FAM186B: variants seen among roughly 807,000 people sequenced by gnomAD.
The protein encoded by FAM186B is protein FAM186B.
A neutral mutation model predicts 83.4 loss-of-function variants in FAM186B; 68 were observed. The ratio of observed to expected loss-of-function variants is 0.81; its 90% confidence interval spans 0.67 to 1.00. The LOEUF (loss-of-function observed/expected upper bound fraction) is 1.00, where lower values mean the gene tolerates loss of function less well. Among genes scored for constraint, FAM186B ranks in the 50% least tolerant of loss-of-function variants. FAM186B has a pLI of 0.00. For synonymous variants in FAM186B, 389 were observed against 422.0 expected, an observed-to-expected ratio of 0.92 and a Z score of 0.96; for missense variants, 983 against 1,099.2, an observed-to-expected ratio of 0.89 and a Z score of 1.49.
the FAM186B span, among the ~76,000 whole-genome samples, chr12:49,620,705 A>C: frequency 6.6e-6 from 1 of 152,244 alleles, no homozygotes; most frequent in Admixed American, 6.5e-5. Context: ...AATTGTAGAT[A>C]TCTGTATTTG....
At chr12:49,619,466 T>C in the FAM186B span, 20 of 664,508 alleles carry the variant, frequency 3.0e-5, no homozygotes, top group South Asian at 1.9e-4. Context: ...ATATGTATTA[T>C]ACAAACTGAA....
Position 49,587,690 on chromosome 12 carries a change from A to G in FAM186B, c.2597T>C (p.Ile866Thr), listed in dbSNP as rs372411373. The change falls in exon 7 of 7, where the codon ATA becomes ACA. Residue 866 changes from isoleucine to threonine, a missense_variant. Transcript: ENST00000257894. Reference protein sequence around the residue: ...KTEVASSSYAIEKKTPASLPR... With the variant: ...KTEVASSSYATEKKTPASLPR... ...AAGGCTGGCAGGGGTCTTTTTTTCTATTGCGTAACTGGAGGAGGCCACCTC... is the reference window on the plus strand; with the variant it reads ...AAGGCTGGCAGGGGTCTTTTTTTCTGTTGCGTAACTGGAGGAGGCCACCTC... The G allele has an allele frequency of 1.6e-5, 26 of 1,613,622 alleles. No individual in the cohort carries two copies. The highest frequency in any genetic ancestry group is 1.6e-4 in the Middle Eastern group (1 of 6,084).
the FAM186B span, among the ~76,000 whole-genome samples, chr12:49,616,249 C>T: frequency 1.3e-4 from 20 of 152,292 alleles, no homozygotes; most frequent in Admixed American, 6.5e-4. Flanking sequence ...AGGCTGGTCT[C>T]GAACTCCTGA....
the FAM186B span, among the ~76,000 whole-genome samples, chr12:49,620,817 A>T: frequency 6.6e-6 from 1 of 152,212 alleles, no homozygotes; most frequent in South Asian, 2.1e-4. Flanking sequence ...TAAATGGAGA[A>T]AATGTTATTT....
chr12:49,589,710 C>T lies in FAM186B; in HGVS notation c.2365-1087G>A, dbSNP rs368664747. 2.1e-3 allele frequency among the ~76,000 whole-genome samples: 315 copies of T among 151,752 alleles called. 1 individual carries two copies. The highest frequency in any genetic ancestry group is 7.2e-3 in the African/African-American group (299 of 41,384). ...TATAATAAAGAATCAAGGCTGGGCG[C>T]GGTGGCTCATGCCTGTAATCCCAGC... is the stretch of plus-strand genomic sequence containing the variant. On this transcript the variant is annotated intron_variant, in intron 5 of 6. Coordinates refer to ENST00000257894, the MANE Select transcript of FAM186B (RefSeq NM_032130.3).
At chr12:49,583,761 T>C (rs1199840041), downstream of FAM186B, 2 of 153,056 alleles carry the variant, frequency 1.3e-5, no homozygotes, top group Non-Finnish European at 2.9e-5. Flanking sequence ...ATTTCCTATT[T>C]GTATGCCTGT....
chr12:49,589,045 C>CA (rs1225719872), intron 5 of FAM186B, among the ~76,000 whole-genome samples: 1 of 152,164 alleles, frequency 6.6e-6, no homozygotes, highest in East Asian at 1.9e-4. Context: ...CACAGCCACT[C>CA]AAAGAATTGT....
In FAM186B at chr12:49,597,682, AC is replaced by A. The variant is rs1939761278; in HGVS notation, c.2364+1072del. ...TATGTTAATTTGTTTTACTATGGTA[AC>A]CATTTTACTATATATGTATCTTATA... On this transcript the variant is annotated intron_variant, in intron 5 of 6. Coordinates refer to ENST00000257894, the MANE Select transcript of FAM186B (RefSeq NM_032130.3). 5.3e-5 allele frequency among the ~76,000 whole-genome samples: 8 copies of A among 152,340 alleles called. No individual in the cohort carries two copies. The South Asian group carries it at 1.7e-3, about 32-fold the overall frequency.
At chr12:49,611,292 G>C in the FAM186B span, among the ~76,000 whole-genome samples, 1 of 152,128 alleles carries the variant, frequency 6.6e-6, no homozygotes, top group South Asian at 2.1e-4. Context: ...AGAATTGCTT[G>C]AACCTGGGAG....
Position 49,587,573 on chromosome 12 carries a change from TTC to T in FAM186B, c.*30_*31del. The T allele has an allele frequency of 6.2e-7, 1 of 1,614,004 alleles. No homozygotes were observed. Among genetic ancestry groups the T allele is most frequent in the Non-Finnish European group, 8.5e-7 (1 of 1,179,936 alleles). The stretch of plus-strand genomic sequence containing the variant: ...CATCAGCCTCGCACCTTACTGGGCC[TTC>T]AGGAAGTTCAGGCTTTTGTGGCAGG... On this transcript the variant is annotated 3_prime_UTR_variant, in exon 7 of 7. Transcript: ENST00000257894.
In FAM186B at chr12:49,599,917, A is replaced by G. The variant is rs535110127; in HGVS notation, c.1723T>C (p.Ser575Pro). The change falls in exon 4 of 7, where the codon TCA becomes CCA. Residue 575 changes from serine (S) to proline (P), a missense_variant. By Grantham distance (74) the Ser-to-Pro change is moderately conservative. Transcript: ENST00000257894. ...RWRDLEKAEL[S>P]LVPAPSRTQS... ...GTCCGGCTTGGGGCAGGCACTAATG[A>G]TAGCTCTGCCTTCTCCAAGTCCCTC... 2 of 1,613,386 alleles carry G rather than the reference A, an allele frequency of 1.2e-6. No homozygotes were observed. The highest frequency in any genetic ancestry group is 1.1e-5 in the South Asian group (1 of 90,932).
intron 2 of FAM186B, among the ~76,000 whole-genome samples, chr12:49,603,654 G>T (rs1939947564): frequency 6.6e-6 from 1 of 152,206 alleles, no homozygotes; most frequent in African/African-American, 2.4e-5. Context: ...ACAGCAGGGA[G>T]GTATCTGACT....
chr12:49,604,797 G>A (rs1939975336), intron 1 of FAM186B: 2 of 363,894 alleles, frequency 5.5e-6, no homozygotes, highest in East Asian at 9.5e-5. Context: ...TTATTAAGAA[G>A]GTCAAGAAAG....
the FAM186B span, among the ~76,000 whole-genome samples, chr12:49,616,936 G>T: frequency 1.3e-5 from 2 of 152,182 alleles, no homozygotes; most frequent in East Asian, 3.8e-4. Context: ...CAGGGCAAAG[G>T]GCTAGCAATT....
chr12:49,616,323 C>T, the FAM186B span, among the ~76,000 whole-genome samples: 1 of 152,190 alleles, frequency 6.6e-6, no homozygotes, highest in African/African-American at 2.4e-5. Context: ...AGCCACCGCA[C>T]CCAGCCAGCA....
At chr12:49,603,483 C>G in intron 2 of FAM186B, 116 bp from the exon 3 acceptor site, 1 of 1,000,092 alleles carries the variant, frequency 1.0e-6, no homozygotes, top group Admixed American at 2.4e-5. Context: ...TTACCTCTTA[C>G]TAGCTATGTG....
Position 49,604,361 on chromosome 12 carries a change from T to C in FAM186B, c.274A>G (p.Met92Val), listed in dbSNP as rs139618910. The change falls in exon 2 of 7, where the codon ATG (methionine) becomes GTG (valine). Residue 92 changes from methionine to valine, a missense_variant. Met to Val is a conservative substitution (Grantham distance 21, BLOSUM62 1). Transcript: ENST00000257894. ...ATGTCATACAGGTGCTTCTCCTTCA[T>C]CATAGCATCTTTGGAGAAGGAGGCA... ...KIASFSKDAMMKEKHLYDILR... is the reference protein window; with the variant it reads ...KIASFSKDAMVKEKHLYDILR... The C allele has an allele frequency of 2.4e-5, 39 of 1,614,254 alleles. No individual in the cohort carries two copies. The Admixed American group carries it at 3.7e-4, about 15-fold the overall frequency.
the FAM186B span, among the ~76,000 whole-genome samples, chr12:49,618,301 C>T: frequency 6.6e-6 from 1 of 151,390 alleles, no homozygotes; most frequent in African/African-American, 2.4e-5. Context: ...GCTGAGATCA[C>T]GCCACTGCAC....
intron 5 of FAM186B, among the ~76,000 whole-genome samples, chr12:49,596,874 C>T (rs983439949): frequency 6.6e-6 from 1 of 152,164 alleles, no homozygotes; most frequent in Non-Finnish European, 1.5e-5. Flanking sequence ...TGGAAACAAC[C>T]GAGGTGCCCA....
Sources: allele counts gnomAD v4.1 joint callset (sites outside exome capture counted in the v4.1 genomes callset), GRCh38; gene constraint gnomAD v4.1.1; transcripts MANE v1.5; gene names NCBI Gene and HGNC (gene_info 2026-07-23, HGNC 2026-07-21).